PCDHGB7: variants seen among roughly 807,000 people sequenced by gnomAD.
The protein encoded by PCDHGB7 is protocadherin gamma subfamily B, 7, also known as protocadherin gamma-B7.
A neutral mutation model predicts 61.4 loss-of-function variants in PCDHGB7; 37 were observed. The observed-to-expected ratio is 0.60, with a 90% CI of 0.46 to 0.79. The LOEUF (loss-of-function observed/expected upper bound fraction) is 0.79, where lower values mean the gene tolerates loss of function less well. PCDHGB7 is among the 30% of genes least tolerant of loss of function. The pLI is 0.00. For synonymous variants in PCDHGB7, 464 were observed against 503.5 expected (o/e 0.92, Z 1.05); for missense variants, 1,166 against 1,202.5 (o/e 0.97, Z 0.45).
At chr5:141,500,182 A>ATTT (rs1199992745) in intron 2 of PCDHGB7, among the ~76,000 whole-genome samples, 1 of 131,622 alleles carries the variant, frequency 7.6e-6, no homozygotes, top group African/African-American at 3.1e-5. Context: ...CTTCATTTTT[A>ATTT]TTTTTATTTA....
At chr5:141,433,926 A>T (rs2154556019) in intron 1 of PCDHGB7, among the ~76,000 whole-genome samples, 1 of 151,830 alleles carries the variant, frequency 6.6e-6, no homozygotes, top group African/African-American at 2.4e-5. Context: ...CCAAATGAAG[A>T]TTTTATAATT....
Position 141,490,142 on chromosome 5 carries a change from C to A in PCDHGB7, c.2416-4665C>A. On this transcript the variant is annotated intron_variant, in intron 1 of 3. Coordinates refer to ENST00000398594, the MANE Select transcript of PCDHGB7 (RefSeq NM_018927.4). This position sits in a 1 kb window ranked among gnomAD's most constrained non-coding sequence, Gnocchi z 5.4. The stretch of plus-strand genomic sequence containing the variant: ...TTTGGCCTAGACCCTAGCAGTGGGG[C>A]AATCCATGTGTTGGGTCCCATAGAC... The A allele has an allele frequency of 1.9e-6, 3 of 1,614,220 alleles. No individual in the cohort carries two copies. The highest frequency in any genetic ancestry group is 2.7e-5 in the African/African-American group (2 of 75,060).
rs752011641 is a variant in PCDHGB7 at position 141,490,299 on chromosome 5, C to T, written c.2416-4508C>T. 1.2e-6 allele frequency: 2 copies of T among 1,614,068 alleles called. No homozygotes were observed. Among genetic ancestry groups the T allele is most frequent in the East Asian group, 2.2e-5 (1 of 44,896 alleles). Reference sequence around the variant, plus strand: ...ACAATGCCCCAGAGGTGCTATTGGCCTCTTTGGCCAACCCTGTCCTAGAGA... The same window carrying T: ...ACAATGCCCCAGAGGTGCTATTGGCTTCTTTGGCCAACCCTGTCCTAGAGA... On this transcript the variant is annotated intron_variant, in intron 1 of 3. Coordinates refer to ENST00000398594, the MANE Select transcript of PCDHGB7 (RefSeq NM_018927.4). The surrounding 1 kb of genome is among the most constrained non-coding windows in gnomAD (Gnocchi z 5.4).
intron 2 of PCDHGB7, among the ~76,000 whole-genome samples, chr5:141,503,595 G>A (rs6892628): frequency 7.1e-6 from 1 of 140,086 alleles, no homozygotes. Context: ...CGAGACTCCA[G>A]CTCAAAAAAA....
chr5:141,490,981 C>T lies in PCDHGB7; in HGVS notation c.2416-3826C>T. 19 of 1,614,096 alleles carry T rather than the reference C, an allele frequency of 1.2e-5. No homozygotes were observed. The highest frequency in any genetic ancestry group is 1.5e-5 in the Non-Finnish European group (18 of 1,180,018). Reference sequence around the variant, plus strand: ...ACACTCAGCCCCCCAGCGTCTCCCTCGCTCTGCTCCTCCTGGCTCCTTGGT... The same window carrying T: ...ACACTCAGCCCCCCAGCGTCTCCCTTGCTCTGCTCCTCCTGGCTCCTTGGT... On this transcript the variant is annotated intron_variant, in intron 1 of 3. Transcript: ENST00000398594. The surrounding 1 kb of genome is among the most constrained non-coding windows in gnomAD (Gnocchi z 5.4).
At chr5:141,478,231 T>C (rs1423148) in intron 1 of PCDHGB7, 739,438 of 1,613,786 alleles carry the variant, frequency 0.46, 177,434 homozygotes, top group African/African-American at 0.83. Flanking sequence ...CTGTGGGGTT[T>C]GTGGTCACAG....
At chr5:141,466,094 C>T (rs1462266046) in intron 1 of PCDHGB7, among the ~76,000 whole-genome samples, 1 of 152,040 alleles carries the variant, frequency 6.6e-6, no homozygotes, top group Non-Finnish European at 1.5e-5. Flanking sequence ...TGCACTCCAG[C>T]CTGGGCAACA....
intron 1 of PCDHGB7, among the ~76,000 whole-genome samples, chr5:141,474,379 T>A (rs1451968368): frequency 6.6e-6 from 1 of 152,208 alleles, no homozygotes; most frequent in Non-Finnish European, 1.5e-5. Flanking sequence ...GAGGAGGGCA[T>A]TTCTGCATTT....
chr5:141,419,184 T>A lies in PCDHGB7; in HGVS notation c.1325T>A (p.Ile442Asn). ...TCCAGCAAAACCATAACCCTGCACA[T>A]TACTGACGTCAATGACAACGCGCCG... ...LSSSKTITLH[I>N]TDVNDNAPVF... The change falls in exon 1 of 4, where the codon ATT (isoleucine) becomes AAT (asparagine). Residue 442 changes from isoleucine (I) to asparagine (N), a missense_variant. Ile to Asn is a moderately radical substitution (Grantham distance 149). Coordinates refer to ENST00000398594, the MANE Select transcript of PCDHGB7 (RefSeq NM_018927.4). The A allele has an allele frequency of 6.2e-7, 1 of 1,613,938 alleles. No individual in the cohort carries two copies. The highest frequency in any genetic ancestry group is 8.5e-7 in the Non-Finnish European group (1 of 1,179,880).
chr5:141,481,877 G>A (rs535267598), intron 1 of PCDHGB7, among the ~76,000 whole-genome samples: 4 of 144,402 alleles, frequency 2.8e-5, no homozygotes, highest in African/African-American at 7.8e-5. Context: ...TCGCGCCACT[G>A]CACTCCAGCC....
chr5:141,458,165 A>T lies in PCDHGB7; in HGVS notation c.2416-36642A>T, dbSNP rs10075475. On this transcript the variant is annotated intron_variant, in intron 1 of 3. Coordinates refer to ENST00000398594, the MANE Select transcript of PCDHGB7 (RefSeq NM_018927.4). Reference sequence around the variant, plus strand: ...TGAACATGCTCCAAATTTTGTTCACAGTAGTATACCTTACTTGATTATTAA... The same window carrying T: ...TGAACATGCTCCAAATTTTGTTCACTGTAGTATACCTTACTTGATTATTAA... Among the ~76,000 whole-genome samples the T allele has an allele frequency of 2.4e-3, 368 of 152,356 alleles. 2 individuals carry two copies. The highest frequency in any genetic ancestry group is 8.5e-3 in the African/African-American group (354 of 41,588).
intron 1 of PCDHGB7, chr5:141,426,709 A>G (rs1259104705): frequency 6.8e-6 from 3 of 443,800 alleles, no homozygotes; most frequent in South Asian, 3.1e-5. Flanking sequence ...TTACAAATCA[A>G]TGAACTAGCA....
intron 1 of PCDHGB7, among the ~76,000 whole-genome samples, chr5:141,454,343 A>G (rs1161350416): frequency 2.6e-5 from 4 of 152,248 alleles, no homozygotes; most frequent in African/African-American, 7.2e-5. Flanking sequence ...AAATGTTGGA[A>G]GTTGATCCAA....
chr5:141,434,132 G>A (rs2097674012), intron 1 of PCDHGB7, among the ~76,000 whole-genome samples: 1 of 152,194 alleles, frequency 6.6e-6, no homozygotes, highest in South Asian at 2.1e-4. Context: ...CCTTTAGGCT[G>A]ATTTCTATGT....
At position 141,489,185 on chromosome 5, in the gene PCDHGB7, T is replaced by TCTA; in HGVS notation, c.2416-5620_2416-5618dup. Reference sequence around the variant, plus strand: ...CAGCTGCTGCATTCCAAGCCCTGGGTCTACCTTGGAGACAGGACAGCACAG... The same window carrying TCTA: ...CAGCTGCTGCATTCCAAGCCCTGGGTCTACTACCTTGGAGACAGGACAGCACAG... On this transcript the variant is annotated intron_variant, in intron 1 of 3. Coordinates refer to ENST00000398594, the MANE Select transcript of PCDHGB7 (RefSeq NM_018927.4). This position sits in a 1 kb window ranked among gnomAD's most constrained non-coding sequence, Gnocchi z 4.5. 7.8e-7 allele frequency: 1 copy of TCTA among 1,286,838 alleles called. No homozygotes were observed. The highest frequency in any genetic ancestry group is 1.5e-5 in the South Asian group (1 of 65,798). The allele number at this position is 1,286,838 out of a possible 1,614,324, so 79.7% of individuals were successfully genotyped here.
chr5:141,512,942 C>T lies in PCDHGB7; in HGVS notation c.*1769C>T, dbSNP rs1596321854. 3.3e-5 allele frequency: 5 copies of T among 151,644 alleles called. No individual in the cohort carries two copies. The South Asian group carries it at 1.0e-3, about 32-fold the overall frequency. The allele number at this position is 151,644 out of a possible 1,614,324, so 9.4% of individuals were successfully genotyped here. On this transcript the variant is annotated 3_prime_UTR_variant, in exon 4 of 4. Transcript: ENST00000398594. Reference sequence around the variant, plus strand: ...TAATATTTATATGGCTTTTTTTCTTCGACAAAAAAATAATAAAACGTTTCT... The same window carrying T: ...TAATATTTATATGGCTTTTTTTCTTTGACAAAAAAATAATAAAACGTTTCT...
rs1360364370 is a variant in PCDHGB7, at chr5:141,491,814, G to A, written c.2416-2993G>A. 1 of 1,486,114 alleles carries A rather than the reference G, an allele frequency of 6.7e-7. No individual in the cohort carries two copies. The allele number at this position is 1,486,114 out of a possible 1,614,324, so 92.1% of individuals were successfully genotyped here. On this transcript the variant is annotated intron_variant, in intron 1 of 3. Transcript: ENST00000398594. This position sits in a 1 kb window ranked among gnomAD's most constrained non-coding sequence, Gnocchi z 6.9. ...TCCTCTCCGGCCGGCTTGGTCGCTGGCTGCGCTCCACCCGATTCTCGGGAT... is the reference window on the plus strand; with the variant it reads ...TCCTCTCCGGCCGGCTTGGTCGCTGACTGCGCTCCACCCGATTCTCGGGAT...
Position 141,418,294 on chromosome 5 carries a change from C to G in PCDHGB7, c.435C>G (p.Ser145=). 1 of 1,613,988 alleles carries G rather than the reference C, an allele frequency of 6.2e-7. No homozygotes were observed. ...AAATAAACTTAGAAATCAGTGAATC[C>G]GTCAGCCTGGGGATGGGAACAATTC... ...KDEINLEISE[S]VSLGMGTILE... is the part of the protein sequence containing the mutation. Residue 145 remains serine (S), a synonymous_variant, in exon 1 of 4, where the codon TCC becomes TCG. Transcript: ENST00000398594.
intron 1 of PCDHGB7, among the ~76,000 whole-genome samples, chr5:141,467,475 T>C (rs2099144764): frequency 6.6e-6 from 1 of 152,248 alleles, no homozygotes; most frequent in Non-Finnish European, 1.5e-5. Flanking sequence ...GCATGGTTTT[T>C]GGTTTCCACA....
Sources: allele counts gnomAD v4.1 joint callset (sites outside exome capture counted in the v4.1 genomes callset), GRCh38; gene constraint gnomAD v4.1.1; non-coding constraint Gnocchi (gnomAD v3.1); transcripts MANE v1.5; gene names NCBI Gene and HGNC (gene_info 2026-07-23, HGNC 2026-07-21).